The following RAB28 variants were observed in gnomAD, a reference collection of about 807,000 sequenced individuals.
RAB28 encodes the protein RAB28, member RAS oncogene family, also known as ras-related protein Rab-28.
In RAB28, 24 loss-of-function variants were observed where a neutral mutation model predicts 31.7. The observed-to-expected ratio is 0.76, with a 90% CI of 0.55 to 1.06. The LOEUF (loss-of-function observed/expected upper bound fraction) is 1.06, where lower values mean the gene tolerates loss of function less well. RAB28 is among the 50% of genes least tolerant of loss of function. RAB28 has a pLI of 0.00. For synonymous variants in RAB28, 100 were observed against 90.4 expected, an observed-to-expected ratio of 1.11 and a Z score of -0.60; for missense variants, 254 against 258.5, an observed-to-expected ratio of 0.98 and a Z score of 0.12.
chr4:13,484,014 G>A, intron 1 of RAB28, 62 bp downstream of exon 1: 2 of 1,462,836 alleles, frequency 1.4e-6, no homozygotes, highest in Non-Finnish European at 1.9e-6. Flanking sequence ...GCGGCGGGGA[G>A]GAGGCCGGGG....
intron 4 of RAB28, chr4:13,459,810 A>G: frequency 8.1e-7 from 1 of 1,237,382 alleles, no homozygotes; most frequent in Non-Finnish European, 1.0e-6. Flanking sequence ...AAAATAGGAG[A>G]TCATTCAATG....
intron 4 of RAB28, among the ~76,000 whole-genome samples, chr4:13,389,644 T>A (rs1159084110): frequency 6.6e-6 from 1 of 152,128 alleles, no homozygotes; most frequent in Admixed American, 6.5e-5. Flanking sequence ...ATACCACCAC[T>A]CTCAGATTAT....
chr4:13,383,273 C>A (rs1178302452), intron 4 of RAB28, among the ~76,000 whole-genome samples: 1 of 152,060 alleles, frequency 6.6e-6, no homozygotes. Context: ...TTGAAATCAC[C>A]ATCCATTAAA....
At chr4:13,442,905 T>C (rs1052091873) in intron 4 of RAB28, among the ~76,000 whole-genome samples, 2 of 152,180 alleles carry the variant, frequency 1.3e-5, no homozygotes, top group Non-Finnish European at 2.9e-5. Context: ...CGTATCAGAA[T>C]TGATGTGGTC....
intron 4 of RAB28, among the ~76,000 whole-genome samples, chr4:13,434,514 A>G (rs1713984915): frequency 1.3e-5 from 2 of 152,196 alleles, no homozygotes; most frequent in Admixed American, 1.3e-4. Flanking sequence ...AGCATTAAAC[A>G]GATCAAGGCA....
chr4:13,393,466 G>C (rs2108892981), intron 4 of RAB28, among the ~76,000 whole-genome samples: 1 of 152,224 alleles, frequency 6.6e-6, no homozygotes, highest in Non-Finnish European at 1.5e-5. Context: ...GCTTACCCAA[G>C]AAAAATATAT....
intron 4 of RAB28, among the ~76,000 whole-genome samples, chr4:13,386,546 C>A (rs921688523): frequency 3.5e-4 from 53 of 152,056 alleles, no homozygotes; most frequent in African/African-American, 1.2e-3. Flanking sequence ...AAATCAAAAC[C>A]ACAATGAGAT....
chr4:13,482,301 G>A (rs372470580), intron 1 of RAB28, among the ~76,000 whole-genome samples: 1 of 151,960 alleles, frequency 6.6e-6, no homozygotes, highest in Non-Finnish European at 1.5e-5. Context: ...AAACTCAGAC[G>A]CAAAATTATG....
chr4:13,422,766 G>A (rs1416138057), intron 4 of RAB28, among the ~76,000 whole-genome samples: 1 of 151,862 alleles, frequency 6.6e-6, no homozygotes. Context: ...GGGGGACGGG[G>A]GAGGGATAGC....
intron 4 of RAB28, among the ~76,000 whole-genome samples, chr4:13,425,275 T>C (rs934842556): frequency 6.6e-6 from 1 of 152,184 alleles, no homozygotes; most frequent in Non-Finnish European, 1.5e-5. Context: ...CCAAATGTAG[T>C]ACTTTTAAGA....
At position 13,409,050 on chromosome 4, in the gene RAB28, T is replaced by C. The variant is rs149231528; in HGVS notation, c.392-27456A>G. ...TTTGGGACCTCTCTATTTGCTTTAT[T>C]ATACTGTCTTTTAGACATAAGCACC... is the stretch of plus-strand genomic sequence containing the variant. On this transcript the variant is annotated intron_variant, in intron 4 of 6. Transcript: ENST00000330852. Among the ~76,000 whole-genome samples the C allele has an allele frequency of 6.5e-3, 994 of 152,312 alleles. 9 individuals carry two copies. The highest frequency in any genetic ancestry group is 0.022 in the African/African-American group (932 of 41,578).
intron 5 of RAB28, among the ~76,000 whole-genome samples, chr4:13,381,262 C>T (rs566087202): frequency 1.3e-5 from 2 of 151,984 alleles, no homozygotes; most frequent in African/African-American, 4.8e-5. Context: ...ACTGACATTA[C>T]GGGTGGTTTA....
At chr4:13,382,864 A>G (rs1729193836) in intron 4 of RAB28, among the ~76,000 whole-genome samples, 1 of 151,734 alleles carries the variant, frequency 6.6e-6, no homozygotes, top group Non-Finnish European at 1.5e-5. Context: ...ACGCCCGGCT[A>G]ATTTTTTGTA....
At chr4:13,396,696 C>A (rs1729886522) in intron 4 of RAB28, among the ~76,000 whole-genome samples, 2 of 151,988 alleles carry the variant, frequency 1.3e-5, no homozygotes, top group Admixed American at 1.3e-4. Context: ...TAAAAATTTT[C>A]CTGTATACTA....
intron 4 of RAB28, among the ~76,000 whole-genome samples, chr4:13,420,580 C>T (rs1342674453): frequency 1.3e-5 from 2 of 152,112 alleles, no homozygotes; most frequent in Non-Finnish European, 2.9e-5. Flanking sequence ...GGCTTCATCC[C>T]TGGGATGCAA....
At chr4:13,446,256 T>C (rs1377756071) in intron 4 of RAB28, among the ~76,000 whole-genome samples, 1 of 152,188 alleles carries the variant, frequency 6.6e-6, no homozygotes, top group Non-Finnish European at 1.5e-5. Flanking sequence ...CAGACTGCTG[T>C]GCTGGCAGTG....
chr4:13,373,959 A>ATGTATGTATGTATGTGTATGTG (rs574362033), intron 6 of RAB28, among the ~76,000 whole-genome samples: 2 of 151,192 alleles, frequency 1.3e-5, no homozygotes, highest in African/African-American at 4.9e-5. Context: ...GTATGTATGT[A>ATGTATGTATGTATGTGTATGTG]TGTGTGTGTG....
At chr4:13,435,407 GA>G (rs1039250900) in intron 4 of RAB28, among the ~76,000 whole-genome samples, 10 of 149,584 alleles carry the variant, frequency 6.7e-5, no homozygotes, top group African/African-American at 2.2e-4. Context: ...TTGAGACCAA[GA>G]AAAAAAAATA....
intron 4 of RAB28, among the ~76,000 whole-genome samples, chr4:13,398,208 G>A (rs1261658303): frequency 6.6e-6 from 1 of 151,956 alleles, no homozygotes. Context: ...AAAAATTTGT[G>A]CATATATCAT....
Sources: gnomAD v4.1 joint callset for allele counts (sites outside exome capture counted in the v4.1 genomes callset) on GRCh38, gnomAD v4.1.1 for gene constraint, MANE v1.5 for transcripts, NCBI Gene and HGNC (gene_info 2026-07-23, HGNC 2026-07-21) for gene names.